ERCC6L: variants seen among roughly 807,000 people sequenced by gnomAD.
The protein encoded by ERCC6L is DNA excision repair protein ERCC-6-like.
ERCC6L carries 7 observed loss-of-function variants against 20.1 expected under a neutral mutation model. The ratio of observed to expected loss-of-function variants is 0.35; its 90% CI spans 0.20 to 0.65. The LOEUF is 0.65. Among genes scored for constraint, ERCC6L ranks in the 30% least tolerant of loss-of-function variants. ERCC6L has a pLI of 0.69. For synonymous variants in ERCC6L, 278 were observed against 331.3 expected (o/e 0.84, Z 1.75); for missense variants, 592 against 892.4 (o/e 0.66, Z 4.29).
In ERCC6L at chrX:72,208,684, G is replaced by A. The variant is rs781476893; in HGVS notation, c.83C>T (p.Ala28Val). ...GTCTCCATTCTTAGTTGCTTCTTTG[G>A]CCTCTTTCACATATCTATAGAAAAA... ...AAHYLRYVKE[A>V]KEATKNGDLE... is the part of the protein sequence containing the mutation. The change falls in exon 2 of 2, where the codon GCC becomes GTC. Residue 28 changes from alanine (A) to valine (V), a missense_variant. Ala to Val is a moderately conservative substitution (Grantham distance 64). Coordinates refer to ENST00000334463, the MANE Select transcript of ERCC6L (RefSeq NM_017669.4). 1 of 1,193,696 alleles carries A rather than the reference G, an allele frequency of 8.4e-7. No individual in the cohort carries two copies. Among genetic ancestry groups the A allele is most frequent in the Non-Finnish European group, 1.1e-6 (1 of 886,064 alleles).
At chrX:72,223,074 C>T (rs1474439908) in intron 1 of ERCC6L, among the ~76,000 whole-genome samples, 3 of 103,929 alleles carry the variant, frequency 2.9e-5, no homozygotes, top group South Asian at 4.8e-4. Flanking sequence ...CAGTGGCTCA[C>T]GCCTGTAATC....
At position 72,214,987 on chromosome X, in the gene ERCC6L, A is replaced by AAAAC. The variant is rs58333692; in HGVS notation, c.69-6293_69-6290dup. Among the ~76,000 whole-genome samples the AAAAC allele has an allele frequency of 3.4e-3, 383 of 111,914 alleles. 2 individuals are homozygous for AAAAC. The highest frequency in any genetic ancestry group is 0.012 in the African/African-American group (366 of 30,788). On this transcript the variant is annotated intron_variant, in intron 1 of 1. Transcript: ENST00000334463. The stretch of plus-strand genomic sequence containing the variant: ...GGATGAAAAAGCAAGACTCTGACTC[A>AAAAC]AAACAAACAAACAAACAAAAAAACC...
Position 72,205,090 on chromosome X carries a change from G to A in ERCC6L, c.3677C>T (p.Ala1226Val), listed in dbSNP as rs150894750. ...AGGATCTGCACTTTTTATGTCAAGC[G>A]CTTTAACTAAGCAGTTTAGGGCCTC... ...IQEALNCLVK[A>V]LDIKSADPEV... The change falls in exon 2 of 2, where the codon GCG becomes GTG. Residue 1226 changes from alanine to valine, a missense_variant. Transcript: ENST00000334463. 2.5e-6 allele frequency: 3 copies of A among 1,210,982 alleles called. No homozygotes were observed. The highest frequency in any genetic ancestry group is 3.4e-6 in the Non-Finnish European group (3 of 895,074).
chrX:72,217,673 A>T (rs1382386961), intron 1 of ERCC6L, among the ~76,000 whole-genome samples: 1 of 111,343 alleles, frequency 9.0e-6, no homozygotes, highest in East Asian at 2.8e-4. Flanking sequence ...TGGCCAGGGG[A>T]TAAGACCATT....
intron 1 of ERCC6L, among the ~76,000 whole-genome samples, chrX:72,222,851 C>G (rs933290070): frequency 9.4e-6 from 1 of 106,680 alleles, no homozygotes; most frequent in African/African-American, 3.4e-5. Flanking sequence ...CCGCCTCGGC[C>G]TCCCAAAGTG....
chrX:72,228,075 T>G (rs780165548), intron 1 of ERCC6L, among the ~76,000 whole-genome samples: 3 of 112,016 alleles, frequency 2.7e-5, no homozygotes, highest in Non-Finnish European at 3.8e-5. Flanking sequence ...TTGCCTCTTT[T>G]AAAAAGTTCT....
At chrX:72,237,254 T>C (rs1163635897) in intron 1 of ERCC6L, among the ~76,000 whole-genome samples, 1 of 111,355 alleles carries the variant, frequency 9.0e-6, no homozygotes, top group Non-Finnish European at 1.9e-5. Context: ...CTCAACACTT[T>C]GGGAGGCCGA....
In ERCC6L at chrX:72,211,984, C is replaced by A. The variant is rs752872134; in HGVS notation, c.69-3286G>T. ...CCCTGCCCAAGTGGCCATATAAAAT[C>A]ATCTCTGTGGCTGGGCATGGTGGCT... On this transcript the variant is annotated intron_variant, in intron 1 of 1. Coordinates refer to ENST00000334463, the MANE Select transcript of ERCC6L (RefSeq NM_017669.4). Among the ~76,000 whole-genome samples, 11 of 111,098 alleles carry A rather than the reference C, an allele frequency of 9.9e-5. No homozygotes were observed. In the East Asian group the frequency reaches 3.1e-3, roughly 31 times the overall value.
chrX:72,233,913 G>A (rs1257689661), intron 1 of ERCC6L, among the ~76,000 whole-genome samples: 3 of 105,676 alleles, frequency 2.8e-5, no homozygotes, highest in Middle Eastern at 5.4e-3. Context: ...CCAGGAGTTT[G>A]AGGCCAGCCT....
chrX:72,210,265 T>C (rs1202107111), intron 1 of ERCC6L, among the ~76,000 whole-genome samples: 1 of 109,416 alleles, frequency 9.1e-6, no homozygotes, highest in Non-Finnish European at 1.9e-5. Context: ...GATATACAGA[T>C]GGGCACATGA....
At chrX:72,233,202 ATAAAG>A (rs768825078) in intron 1 of ERCC6L, among the ~76,000 whole-genome samples, 5 of 111,881 alleles carry the variant, frequency 4.5e-5, no homozygotes, top group Admixed American at 1.9e-4. Flanking sequence ...AGCCTTCCCT[ATAAAG>A]TATTCATGCC....
chrX:72,213,930 C>T (rs2042872643), intron 1 of ERCC6L, among the ~76,000 whole-genome samples: 1 of 112,195 alleles, frequency 8.9e-6, no homozygotes, highest in South Asian at 3.7e-4. Flanking sequence ...TAACAGTTTC[C>T]CTATACTGAT....
chrX:72,231,447 A>G (rs1164216886), intron 1 of ERCC6L, among the ~76,000 whole-genome samples: 1 of 111,956 alleles, frequency 8.9e-6, no homozygotes, highest in Non-Finnish European at 1.9e-5. Flanking sequence ...AGTCAATGGT[A>G]CAAAGTTTCA....
At chrX:72,223,867 A>G (rs190927349) in intron 1 of ERCC6L, among the ~76,000 whole-genome samples, 44 of 111,412 alleles carry the variant, frequency 3.9e-4, no homozygotes, top group African/African-American at 1.4e-3. Flanking sequence ...AACCCTGGAC[A>G]CTGGGCAAAG....
At chrX:72,213,246 T>C (rs762792616) in intron 1 of ERCC6L, among the ~76,000 whole-genome samples, 75 of 111,552 alleles carry the variant, frequency 6.7e-4, no homozygotes, top group African/African-American at 2.4e-3. Flanking sequence ...TACCTTTAAA[T>C]ACAGGGCTTA....
At chrX:72,213,377 G>A (rs535835537) in intron 1 of ERCC6L, among the ~76,000 whole-genome samples, 17 of 111,914 alleles carry the variant, frequency 1.5e-4, no homozygotes, top group African/African-American at 5.5e-4. Context: ...ACAGGGGGAG[G>A]GAAAATGATC....
At chrX:72,215,894 T>C (rs1207090209) in intron 1 of ERCC6L, among the ~76,000 whole-genome samples, 1 of 110,790 alleles carries the variant, frequency 9.0e-6, no homozygotes, top group African/African-American at 3.3e-5. Flanking sequence ...CACTAACCAT[T>C]CAAGATGCTC....
At chrX:72,224,513 G>A (rs1333285812) in intron 1 of ERCC6L, among the ~76,000 whole-genome samples, 1 of 111,686 alleles carries the variant, frequency 9.0e-6, no homozygotes, top group Non-Finnish European at 1.9e-5. Flanking sequence ...TTGGGAGGCC[G>A]AGGCAGGCGG....
chrX:72,206,108 C>T lies in ERCC6L; in HGVS notation c.2659G>A (p.Asp887Asn), dbSNP rs1249347499. The part of the protein sequence containing the change: ...IGPNLDQLKD[D>N]EILRHCNPWP... ...GGATTGCAATGACGTAAAATCTCATCATCCTTTAGTTGATCTAAATTTGGC... is the reference window on the plus strand; with the variant it reads ...GGATTGCAATGACGTAAAATCTCATTATCCTTTAGTTGATCTAAATTTGGC... Residue 887 changes from aspartate to asparagine, a missense_variant, in exon 2 of 2, where the codon GAT becomes AAT. By Grantham distance (23) the Asp-to-Asn change is conservative. Around this residue, in one of 3 missense-constraint regions of ERCC6L, gnomAD observed 352 missense variants for 402.6 expected, o/e 0.87. Coordinates refer to ENST00000334463, the MANE Select transcript of ERCC6L (RefSeq NM_017669.4). 3.7e-5 allele frequency: 45 copies of T among 1,209,859 alleles called. 1 individual carries two copies. Among genetic ancestry groups the T allele is most frequent in the Non-Finnish European group, 4.2e-5 (38 of 895,036 alleles).
Sources: gnomAD v4.1 joint callset for allele counts (sites outside exome capture counted in the v4.1 genomes callset) on GRCh38, gnomAD v4.1.1 for gene constraint, gnomAD v4.1.1 regional missense constraint, MANE v1.5 for transcripts, NCBI Gene and HGNC (gene_info 2026-07-23, HGNC 2026-07-21) for gene names.